The following DIP2B variants were observed in gnomAD, a reference collection of about 807,000 sequenced individuals.
DIP2B encodes DIP2 acetate--CoA ligase B (putative).
A neutral mutation model predicts 198.0 loss-of-function variants in DIP2B; 76 were observed. That is an observed-to-expected ratio of 0.38 (90% confidence interval 0.32 to 0.46). DIP2B has a LOEUF of 0.46. Ranked by LOEUF, DIP2B falls within the 20% of genes least tolerant of loss-of-function variation. The pLI, the probability that DIP2B is intolerant of heterozygous loss-of-function variation, is 0.99. For missense variants in DIP2B, 1,559 were observed against 1,978.4 expected (o/e 0.79, Z 4.02); for synonymous variants, 701 against 739.1 (o/e 0.95, Z 0.84).
At chr12:50,612,430 C>CTTT (rs34710255) in intron 1 of DIP2B, among the ~76,000 whole-genome samples, 12 of 136,784 alleles carry the variant, frequency 8.8e-5, no homozygotes, top group African/African-American at 2.4e-4. Flanking sequence ...TTCATAATAA[C>CTTT]TTTTTTTTTT....
chr12:50,599,291 C>CAA (rs531175439), intron 1 of DIP2B, among the ~76,000 whole-genome samples: 7 of 99,752 alleles, frequency 7.0e-5, no homozygotes, highest in Admixed American at 9.9e-5. Flanking sequence ...GACCCTGTCT[C>CAA]AAAAAAAAAA....
chr12:50,607,348 A>G (rs956769898), intron 1 of DIP2B, among the ~76,000 whole-genome samples: 21 of 152,244 alleles, frequency 1.4e-4, no homozygotes, highest in African/African-American at 4.8e-4. Flanking sequence ...TAGCTAGTAA[A>G]TGATAAGCCA....
intron 1 of DIP2B, among the ~76,000 whole-genome samples, chr12:50,622,692 A>C (rs1440579754): frequency 6.6e-6 from 1 of 152,136 alleles, no homozygotes; most frequent in Non-Finnish European, 1.5e-5. Flanking sequence ...CACCGCAGTA[A>C]CCTCTGCCTC....
chr12:50,537,518 C>G (rs1958281531), intron 1 of DIP2B, among the ~76,000 whole-genome samples: 1 of 151,986 alleles, frequency 6.6e-6, no homozygotes, highest in African/African-American at 2.4e-5. Context: ...ATGTTGGAGT[C>G]TATGACAATG....
intron 1 of DIP2B, among the ~76,000 whole-genome samples, chr12:50,559,313 CTTTTT>C (rs11301460): frequency 7.3e-5 from 9 of 123,016 alleles, no homozygotes; most frequent in Admixed American, 1.6e-4. Context: ...AATTATTTGT[CTTTTT>C]TTTTTTTTTT....
chr12:50,654,154 G>T (rs1231490137), intron 3 of DIP2B, among the ~76,000 whole-genome samples: 1 of 152,104 alleles, frequency 6.6e-6, no homozygotes, highest in Non-Finnish European at 1.5e-5. Context: ...GATTACAAGC[G>T]TGAACCACCA....
intron 35 of DIP2B, among the ~76,000 whole-genome samples, chr12:50,737,757 T>C (rs968337006): frequency 3.3e-5 from 5 of 152,058 alleles, no homozygotes; most frequent in African/African-American, 9.7e-5. Flanking sequence ...TGGCTAACTT[T>C]TTGTATTTTT....
In DIP2B at chr12:50,697,751, G is replaced by A. The variant is rs568382634; in HGVS notation, c.2048+576G>A. On this transcript the variant is annotated intron_variant, in intron 17 of 37. Coordinates refer to ENST00000301180, the MANE Select transcript of DIP2B (RefSeq NM_173602.3). Reference sequence around the variant, plus strand: ...TTGTTATGTTGCCCAGGCTGGTCTCGAATTACTGGCTTTGAGCAGTCCACC... The same window carrying A: ...TTGTTATGTTGCCCAGGCTGGTCTCAAATTACTGGCTTTGAGCAGTCCACC... Among the ~76,000 whole-genome samples, 13 of 151,554 alleles carry A rather than the reference G, an allele frequency of 8.6e-5. No individual in the cohort carries two copies. The South Asian group carries it at 2.3e-3, about 27-fold the overall frequency.
At chr12:50,597,026 AG>A (rs1182418102) in intron 1 of DIP2B, among the ~76,000 whole-genome samples, 112 of 152,312 alleles carry the variant, frequency 7.4e-4, no homozygotes, top group African/African-American at 2.6e-3. Context: ...TTTGTTATGT[AG>A]GTAGGGAAAC....
At chr12:50,659,953 G>A (rs2139511107) in intron 3 of DIP2B, among the ~76,000 whole-genome samples, 1 of 152,022 alleles carries the variant, frequency 6.6e-6, no homozygotes. Flanking sequence ...GTGTGTTAAG[G>A]AGTCACACAT....
At chr12:50,703,265 A>G (rs1434229083) in intron 19 of DIP2B, among the ~76,000 whole-genome samples, 1 of 151,948 alleles carries the variant, frequency 6.6e-6, no homozygotes, top group Non-Finnish European at 1.5e-5. Context: ...TAAATTAACA[A>G]TAGGATATAT....
chr12:50,741,479 G>A lies in DIP2B; in HGVS notation c.4418G>A (p.Arg1473Gln), dbSNP rs778015172. ...LDETLELRGL[R>Q]YHPIDIETSV... Reference sequence around the variant, plus strand: ...GAAACACTGGAGCTGAGAGGATTACGATACCACCCAATTGATATTGAGACC... The same window carrying A: ...GAAACACTGGAGCTGAGAGGATTACAATACCACCCAATTGATATTGAGACC... The change falls in exon 37 of 38, where the codon CGA becomes CAA. Residue 1473 changes from arginine to glutamine, a missense_variant. Coordinates refer to ENST00000301180, the MANE Select transcript of DIP2B (RefSeq NM_173602.3). 1.9e-6 allele frequency: 3 copies of A among 1,614,138 alleles called. No individual in the cohort carries two copies. The highest frequency in any genetic ancestry group is 1.1e-5 in the South Asian group (1 of 91,078).
chr12:50,534,894 C>A (rs1026134685), intron 1 of DIP2B, among the ~76,000 whole-genome samples: 16 of 152,102 alleles, frequency 1.1e-4, no homozygotes, highest in African/African-American at 3.9e-4. Flanking sequence ...ATGATTAGAT[C>A]TGTTTATCAA....
chr12:50,618,848 C>A (rs1274550916), intron 1 of DIP2B, among the ~76,000 whole-genome samples: 1 of 152,116 alleles, frequency 6.6e-6, no homozygotes, highest in Non-Finnish European at 1.5e-5. Flanking sequence ...ATTTTCATTA[C>A]CATTCTCTCC....
rs1940259754 is a variant in DIP2B, at chr12:50,742,334, C to CTACAGTGA, written c.4478+796_4478+803dup. On this transcript the variant is annotated intron_variant, in intron 37 of 37. Transcript: ENST00000301180. ...ATCACTTGAGCCTGGGAGGTTGAGG[C>CTACAGTGA]TACAGTGAGCCAAGATTGTGCCACT... is the stretch of plus-strand genomic sequence containing the variant. Among the ~76,000 whole-genome samples the CTACAGTGA allele has an allele frequency of 3.0e-5, 4 of 133,634 alleles. No individual in the cohort carries two copies. The South Asian group carries it at 9.9e-4, about 33-fold the overall frequency. The allele number at this position is 133,634 out of a possible 152,430, so 87.7% of individuals were successfully genotyped here.
intron 19 of DIP2B, 97 bp from the exon 20 acceptor site, chr12:50,704,043 T>G: frequency 9.9e-7 from 1 of 1,006,224 alleles, no homozygotes; most frequent in South Asian, 1.5e-5. Flanking sequence ...TTACATTATT[T>G]TTTCACTGAG....
At chr12:50,531,138 T>C (rs1565814507) in intron 1 of DIP2B, among the ~76,000 whole-genome samples, 1 of 152,192 alleles carries the variant, frequency 6.6e-6, no homozygotes, top group Non-Finnish European at 1.5e-5. Flanking sequence ...TTCTGACTTC[T>C]GGGTTCACGC....
intron 4 of DIP2B, among the ~76,000 whole-genome samples, chr12:50,664,836 G>GTTTTTTTTTTTT (rs1159665939): frequency 1.3e-4 from 2 of 15,926 alleles, no homozygotes; most frequent in African/African-American, 2.9e-4. Context: ...TTTGGTTTTT[G>GTTTTTTTTTTTT]TTTTTTTTTT....
At chr12:50,548,879 A>G (rs181083577) in intron 1 of DIP2B, among the ~76,000 whole-genome samples, 13 of 152,282 alleles carry the variant, frequency 8.5e-5, no homozygotes, top group African/African-American at 2.9e-4. Context: ...TGCACATCAC[A>G]AGGTACAGTT....
Sources: allele counts gnomAD v4.1 joint callset (sites outside exome capture counted in the v4.1 genomes callset), GRCh38; gene constraint gnomAD v4.1.1; transcripts MANE v1.5; gene names NCBI Gene and HGNC (gene_info 2026-07-23, HGNC 2026-07-21).